Variants in ZNF362 observed in about 807,000 individuals in gnomAD.
The protein encoded by ZNF362 is zinc finger protein 362.
Under a neutral mutation model 42.9 loss-of-function variants are expected in ZNF362, and 11 were observed. The ratio of observed to expected loss-of-function variants is 0.26; its 90% CI spans 0.16 to 0.42. ZNF362 has a LOEUF of 0.42. Among genes scored for constraint, ZNF362 ranks in the 20% least tolerant of loss-of-function variants. ZNF362 has a pLI of 1.00. For synonymous variants in ZNF362, 255 were observed against 257.3 expected (o/e 0.99, Z 0.09); for missense variants, 362 against 576.2 (o/e 0.63, Z 3.81).
chr1:33,199,461 T>C, the ZNF362 span, among the ~76,000 whole-genome samples: 2 of 152,146 alleles, frequency 1.3e-5, no homozygotes, highest in African/African-American at 4.8e-5. Context: ...ATAAATACTT[T>C]CTTGGAAATA....
chr1:33,147,784 A>G, the ZNF362 span: 2 of 1,555,552 alleles, frequency 1.3e-6, no homozygotes, highest in South Asian at 2.4e-5. The surrounding 1 kb of genome is among the most constrained non-coding windows in gnomAD (Gnocchi z 8.1). Context: ...TGGACCCACC[A>G]TGCAGTGCCT....
chr1:33,239,481 G>A, the ZNF362 span, among the ~76,000 whole-genome samples: 2 of 152,130 alleles, frequency 1.3e-5, no homozygotes, highest in Non-Finnish European at 2.9e-5. Context: ...AGAAATACCC[G>A]AGACTGACTA....
chr1:33,229,041 T>C, the ZNF362 span, among the ~76,000 whole-genome samples: 5 of 152,246 alleles, frequency 3.3e-5, no homozygotes, highest in Admixed American at 3.3e-4. Flanking sequence ...TTCCTCGAGG[T>C]ATCTGTAGGG....
intron 6 of ZNF362, among the ~76,000 whole-genome samples, chr1:33,290,502 T>C (rs899208979): frequency 1.3e-5 from 2 of 152,120 alleles, no homozygotes; most frequent in African/African-American, 4.8e-5. Context: ...TTTGCTATTG[T>C]GAATAGTGCC....
rs143136646 is a variant in ZNF362, at chr1:33,286,504, C to CCT, written c.908+4706_908+4707dup. On this transcript the variant is annotated intron_variant, in intron 6 of 8. Transcript: ENST00000539719. ...TCCTGAGGGCACAATTTTTTTTTTC[C>CCT]CTCTCTCTCTCTCTTTTGGACTAAT... Among the ~76,000 whole-genome samples, 303 of 150,286 alleles carry CCT rather than the reference C, an allele frequency of 2.0e-3. 2 individuals are homozygous for CCT. The highest frequency in any genetic ancestry group is 6.9e-3 in the African/African-American group (284 of 41,096).
the ZNF362 span, among the ~76,000 whole-genome samples, chr1:33,151,779 T>G: frequency 6.6e-6 from 1 of 152,210 alleles, no homozygotes; most frequent in Non-Finnish European, 1.5e-5. Context: ...GGAAGGATCA[T>G]GGACTGTGGA....
chr1:33,210,896 C>G, the ZNF362 span, among the ~76,000 whole-genome samples: 2 of 151,086 alleles, frequency 1.3e-5, no homozygotes, highest in Non-Finnish European at 2.9e-5. Flanking sequence ...CAGTCTGTGT[C>G]TTTTAATTGG....
At chr1:33,193,004 C>CACACACACACACACAT in the ZNF362 span, among the ~76,000 whole-genome samples, 1 of 137,202 alleles carries the variant, frequency 7.3e-6, no homozygotes, top group Non-Finnish European at 1.6e-5. Context: ...CACACACACA[C>CACACACACACACACAT]ATATATATAT....
the ZNF362 span, among the ~76,000 whole-genome samples, chr1:33,188,352 G>A: frequency 2.0e-5 from 3 of 152,180 alleles, no homozygotes; most frequent in African/African-American, 7.2e-5. Context: ...AGCCCTGGTT[G>A]GTATGGTAAA....
At chr1:33,198,443 ATTGT>A in the ZNF362 span, among the ~76,000 whole-genome samples, 1 of 152,192 alleles carries the variant, frequency 6.6e-6, no homozygotes, top group Non-Finnish European at 1.5e-5. Context: ...AGGTGGGCAG[ATTGT>A]TTGAGCTCAG....
chr1:33,245,010 C>T, the ZNF362 span, among the ~76,000 whole-genome samples: 2 of 152,166 alleles, frequency 1.3e-5, no homozygotes, highest in Non-Finnish European at 2.9e-5. Context: ...TTGTCAGGTG[C>T]ACAGGGTCTA....
chr1:33,282,108 A>C, intron 6 of ZNF362: 1 of 422,554 alleles, frequency 2.4e-6, no homozygotes, highest in Non-Finnish European at 4.4e-6. Context: ...TTCCTCCAGG[A>C]AGCCCTCCCT....
At chr1:33,239,195 C>T in the ZNF362 span, among the ~76,000 whole-genome samples, 1 of 152,308 alleles carries the variant, frequency 6.6e-6, no homozygotes, top group Middle Eastern at 3.4e-3. Flanking sequence ...ACAGTGGCAG[C>T]ACACTCACTC....
the ZNF362 span, among the ~76,000 whole-genome samples, chr1:33,132,622 A>G: frequency 1.2e-4 from 18 of 152,134 alleles, no homozygotes; most frequent in Non-Finnish European, 2.4e-4. Context: ...CTATGCTCCC[A>G]CAGACCCCTG....
upstream of ZNF362, among the ~76,000 whole-genome samples, chr1:33,254,691 G>A (rs950759156): frequency 6.6e-6 from 1 of 152,002 alleles, no homozygotes; most frequent in African/African-American, 2.4e-5. Context: ...CTGAGTAGCA[G>A]TCATCAGCTC....
At chr1:33,272,476 C>T (rs988020473) in intron 2 of ZNF362, among the ~76,000 whole-genome samples, 5 of 152,156 alleles carry the variant, frequency 3.3e-5, no homozygotes, top group Non-Finnish European at 5.9e-5. Flanking sequence ...TTCGTTCATC[C>T]GCCCATCCAC....
At chr1:33,271,150 C>T (rs1177997220) in intron 2 of ZNF362, among the ~76,000 whole-genome samples, 7 of 152,242 alleles carry the variant, frequency 4.6e-5, no homozygotes, top group South Asian at 2.1e-4. Context: ...CCATCACCCA[C>T]TGCTTCAAGT....
intron 8 of ZNF362, among the ~76,000 whole-genome samples, chr1:33,298,673 G>A (rs1646141797): frequency 6.6e-6 from 1 of 152,228 alleles, no homozygotes; most frequent in Non-Finnish European, 1.5e-5. Flanking sequence ...AGGTGGCAAG[G>A]GCCTGGGGGC....
At chr1:33,176,711 G>A in the ZNF362 span, among the ~76,000 whole-genome samples, 120,376 of 152,204 alleles carry the variant, frequency 0.79, 47,737 homozygotes, top group African/African-American at 0.86. Context: ...CTCAGGGACG[G>A]TATGTGGCCT....
Sources: allele counts gnomAD v4.1 joint callset (sites outside exome capture counted in the v4.1 genomes callset), GRCh38; gene constraint gnomAD v4.1.1; non-coding constraint Gnocchi (gnomAD v3.1); transcripts MANE v1.5; gene names NCBI Gene and HGNC (gene_info 2026-07-23, HGNC 2026-07-21).